Variants in RTN4RL1 observed in about 807,000 individuals in gnomAD.
RTN4RL1 encodes reticulon-4 receptor-like 1.
Under a neutral mutation model 25.6 loss-of-function variants are expected in RTN4RL1, and 7 were observed. The observed-to-expected ratio is 0.27, with a 90% CI of 0.16 to 0.51. The LOEUF (loss-of-function observed/expected upper bound fraction) is 0.51. Ranked by LOEUF, RTN4RL1 falls within the 20% of genes least tolerant of loss-of-function variation. RTN4RL1 has a pLI of 0.97. For missense variants in RTN4RL1, 500 were observed against 615.6 expected (o/e 0.81, Z 1.99); for synonymous variants, 297 against 288.2 (o/e 1.03, Z -0.31).
chr17:2,003,322 G>A (rs2066971597), intron 1 of RTN4RL1: 1 of 152,294 alleles, frequency 6.6e-6, no homozygotes, highest in East Asian at 1.9e-4. Context: ...GAAGGCAAGA[G>A]GGATCTACGG....
At chr17:1,939,586 G>A (rs765731145) in intron 1 of RTN4RL1, among the ~76,000 whole-genome samples, 11 of 152,050 alleles carry the variant, frequency 7.2e-5, no homozygotes, top group Non-Finnish European at 1.3e-4. Flanking sequence ...CTTGCCTCTC[G>A]ACTGTCCAGA....
In RTN4RL1 at chr17:1,978,068, C is replaced by A. The variant is rs568295050; in HGVS notation, c.14-40260G>T. On this transcript the variant is annotated intron_variant, in intron 1 of 1. Transcript: ENST00000331238. ...TCCGGCACCCCGCAGCTGCACGCACCGCAACCCTCCCGCGGCCCCGCCTCC... is the reference window on the plus strand; with the variant it reads ...TCCGGCACCCCGCAGCTGCACGCACAGCAACCCTCCCGCGGCCCCGCCTCC... Among the ~76,000 whole-genome samples, 143 of 152,256 alleles carry A rather than the reference C, an allele frequency of 9.4e-4. 1 individual carries two copies. Among genetic ancestry groups the A allele is most frequent in the African/African-American group, 3.3e-3 (137 of 41,552 alleles).
At chr17:1,937,836 T>A in intron 1 of RTN4RL1, 28 bp from the exon 2 acceptor site, 1 of 1,524,468 alleles carries the variant, frequency 6.6e-7, no homozygotes, top group Non-Finnish European at 8.9e-7. Context: ...CACAGCCAGG[T>A]CAGGGGCCGT....
chr17:1,967,315 G>A (rs150068192), intron 1 of RTN4RL1, among the ~76,000 whole-genome samples: 79 of 152,258 alleles, frequency 5.2e-4, no homozygotes, highest in African/African-American at 1.4e-3. Context: ...CATGGATTCC[G>A]CCGGAGGCCA....
In RTN4RL1 at chr17:1,935,382, C is replaced by T. The variant is rs1033609638; in HGVS notation, c.*1114G>A. On this transcript the variant is annotated 3_prime_UTR_variant, in exon 2 of 2. Transcript: ENST00000331238. Reference sequence around the variant, plus strand: ...AGCTACGACAGCAGGGGTGACAGGGCGCTCCAGGGTGGCAGACAGGCTTGT... The same window carrying T: ...AGCTACGACAGCAGGGGTGACAGGGTGCTCCAGGGTGGCAGACAGGCTTGT... 6 of 191,952 alleles carry T rather than the reference C, an allele frequency of 3.1e-5. No homozygotes were observed. Among genetic ancestry groups the T allele is most frequent in the South Asian group, 1.8e-4 (1 of 5,546 alleles). 11.9% of individuals were successfully genotyped at this position (191,952 alleles called of 1,614,324 possible).
At chr17:1,957,130 T>A (rs1915809864) in intron 1 of RTN4RL1, among the ~76,000 whole-genome samples, 1 of 152,222 alleles carries the variant, frequency 6.6e-6, no homozygotes, top group Non-Finnish European at 1.5e-5. Flanking sequence ...GGAATGAACA[T>A]CTTTGTGCTC....
rs1428132854 is a variant in RTN4RL1 at position 1,935,731 on chromosome 17, A to ATATG, written c.*764_*765insCATA. 4.2e-6 allele frequency: 1 copy of ATATG among 236,972 alleles called. No homozygotes were observed. Among genetic ancestry groups the ATATG allele is most frequent in the African/African-American group, 2.5e-5 (1 of 39,570 alleles). The allele number at this position is 236,972 out of a possible 1,614,324, so 14.7% of individuals were successfully genotyped here. A position where few individuals can be genotyped will look rare whatever the true frequency, so the allele number is the denominator to read the frequency against. On this transcript the variant is annotated 3_prime_UTR_variant, in exon 2 of 2. Coordinates refer to ENST00000331238, the MANE Select transcript of RTN4RL1 (RefSeq NM_178568.4). Reference sequence around the variant, plus strand: ...TTTGTGTATATATATATATATATATATATATATATATATATATATATATGT... The same window carrying ATATG: ...TTTGTGTATATATATATATATATATATATGTATATATATATATATATATATATGT...
rs2066922452 is a variant in RTN4RL1 at position 1,994,754 on chromosome 17, TAC to T, written c.13+30097_13+30098del. On this transcript the variant is annotated intron_variant, in intron 1 of 1. Coordinates refer to ENST00000331238, the MANE Select transcript of RTN4RL1 (RefSeq NM_178568.4). This position sits in a 1 kb window ranked among gnomAD's most constrained non-coding sequence, Gnocchi z 4.3. ...TTTCCTTCTCTAGGAAAGGGGATAA[TAC>T]ACGCTTGCGTTGGGGGAAAGGTGGT... is the stretch of plus-strand genomic sequence containing the variant. Among the ~76,000 whole-genome samples the T allele has an allele frequency of 6.6e-6, 1 of 152,096 alleles. No individual in the cohort carries two copies. The highest frequency in any genetic ancestry group is 1.5e-5 in the Non-Finnish European group (1 of 68,016).
intron 1 of RTN4RL1, among the ~76,000 whole-genome samples, chr17:1,939,856 G>A (rs1915405440): frequency 6.6e-6 from 1 of 152,150 alleles, no homozygotes; most frequent in Non-Finnish European, 1.5e-5. Flanking sequence ...GGGCCAGGCA[G>A]CCATCTCCTC....
At chr17:2,008,073 G>A (rs950874677) in intron 1 of RTN4RL1, among the ~76,000 whole-genome samples, 4 of 151,942 alleles carry the variant, frequency 2.6e-5, no homozygotes, top group South Asian at 2.1e-4. Flanking sequence ...AGGAGTTCGC[G>A]ACCAGCCTTG....
At chr17:1,989,433 G>A (rs1163028559) in intron 1 of RTN4RL1, among the ~76,000 whole-genome samples, 3 of 151,884 alleles carry the variant, frequency 2.0e-5, no homozygotes, top group African/African-American at 4.8e-5. Context: ...TTAATGGGAC[G>A]AGAAGGCTCT....
intron 1 of RTN4RL1, among the ~76,000 whole-genome samples, chr17:1,982,440 A>T (rs1359512187): frequency 6.6e-6 from 1 of 152,022 alleles, no homozygotes; most frequent in Non-Finnish European, 1.5e-5. Flanking sequence ...GTGAAACCTC[A>T]TCTCTACTAT....
At chr17:1,976,820 G>C (rs2066844450) in intron 1 of RTN4RL1, among the ~76,000 whole-genome samples, 1 of 152,164 alleles carries the variant, frequency 6.6e-6, no homozygotes. Context: ...AACTCGGCTG[G>C]GACTCAACTT....
chr17:1,985,094 A>G (rs565108909), intron 1 of RTN4RL1, among the ~76,000 whole-genome samples: 1 of 152,330 alleles, frequency 6.6e-6, no homozygotes, highest in African/African-American at 2.4e-5. Context: ...TCAGGCAAAT[A>G]TACTTTGTTC....
chr17:1,982,222 A>G (rs918900610), intron 1 of RTN4RL1, among the ~76,000 whole-genome samples: 1 of 152,098 alleles, frequency 6.6e-6, no homozygotes, highest in East Asian at 1.9e-4. Context: ...AATCGCTTAA[A>G]CCCAGGAGGC....
In RTN4RL1 at chr17:1,936,408, C is replaced by T; in HGVS notation, c.*88G>A. ...CTACCAGCCTTTTCCTGAAACCCAG[C>T]AGATCTTCCACTTGTTAAAAAAAGA... On this transcript the variant is annotated 3_prime_UTR_variant, in exon 2 of 2. Coordinates refer to ENST00000331238, the MANE Select transcript of RTN4RL1 (RefSeq NM_178568.4). 6.9e-7 allele frequency: 1 copy of T among 1,456,726 alleles called. No homozygotes were observed. The highest frequency in any genetic ancestry group is 9.0e-7 in the Non-Finnish European group (1 of 1,110,210). The allele number at this position is 1,456,726 out of a possible 1,614,324, so 90.2% of individuals were successfully genotyped here.
At position 1,998,897 on chromosome 17, in the gene RTN4RL1, C is replaced by G. The variant is rs2066942753; in HGVS notation, c.13+25956G>C. ...CCCCTTTATTCTCTACGCGCTCATC[C>G]CACGCGCAGAACAGACACAGGCCCT... On this transcript the variant is annotated intron_variant, in intron 1 of 1. Transcript: ENST00000331238. The surrounding 1 kb of genome is among the most constrained non-coding windows in gnomAD (Gnocchi z 4.9). Among the ~76,000 whole-genome samples the G allele has an allele frequency of 6.6e-6, 1 of 151,632 alleles. No individual in the cohort carries two copies. Among genetic ancestry groups the G allele is most frequent in the South Asian group, 2.1e-4 (1 of 4,816 alleles).
At chr17:1,977,461 C>CAGT (rs1442032404) in intron 1 of RTN4RL1, among the ~76,000 whole-genome samples, 106 of 152,282 alleles carry the variant, frequency 7.0e-4, no homozygotes, top group African/African-American at 2.3e-3. Flanking sequence ...GCGGAGGTCC[C>CAGT]CATCCCCCTG....
chr17:1,971,733 C>T (rs569848619), intron 1 of RTN4RL1, among the ~76,000 whole-genome samples: 27 of 152,016 alleles, frequency 1.8e-4, no homozygotes, highest in Non-Finnish European at 2.8e-4. Flanking sequence ...GGGGCAGAGG[C>T]GGGTGGATCA....
Sources: allele counts gnomAD v4.1 joint callset (sites outside exome capture counted in the v4.1 genomes callset), GRCh38; gene constraint gnomAD v4.1.1; non-coding constraint Gnocchi (gnomAD v3.1); transcripts MANE v1.5; gene names NCBI Gene and HGNC (gene_info 2026-07-23, HGNC 2026-07-21).